The following AKT3 variants were observed in gnomAD, a reference collection of about 807,000 sequenced individuals.
AKT3 encodes the protein RAC-gamma serine/threonine-protein kinase.
A neutral mutation model predicts 65.3 loss-of-function variants in AKT3; 15 were observed. That is an observed-to-expected ratio of 0.23 (90% CI 0.15 to 0.35). The LOEUF (loss-of-function observed/expected upper bound fraction) is 0.35. Ranked by LOEUF, AKT3 falls within the 10% of genes least tolerant of loss-of-function variation. AKT3 has a pLI of 1.00. For synonymous variants in AKT3, 206 were observed against 183.8 expected (o/e 1.12, Z -0.98); for missense variants, 243 against 576.5 (o/e 0.42, Z 5.92).
chr1:243,662,221 A>G (rs1682409848), intron 4 of AKT3, among the ~76,000 whole-genome samples: 1 of 152,170 alleles, frequency 6.6e-6, no homozygotes, highest in Non-Finnish European at 1.5e-5. Flanking sequence ...TACCCAAAGG[A>G]CTATAAATCA....
chr1:243,642,488 T>A (rs1011786590), intron 5 of AKT3, among the ~76,000 whole-genome samples: 3 of 152,104 alleles, frequency 2.0e-5, no homozygotes, highest in Non-Finnish European at 4.4e-5. Context: ...TTTTTGTATT[T>A]TTAGTAGAGA....
intron 12 of AKT3, among the ~76,000 whole-genome samples, chr1:243,514,183 A>C (rs1670197923): frequency 6.6e-6 from 1 of 152,156 alleles, no homozygotes; most frequent in Admixed American, 6.5e-5. Flanking sequence ...TGTGGCTGGA[A>C]TCGGCTTCTC....
chr1:243,669,604 A>T (rs1481829011), intron 3 of AKT3, among the ~76,000 whole-genome samples: 1 of 152,208 alleles, frequency 6.6e-6, no homozygotes, highest in African/African-American at 2.4e-5. Flanking sequence ...CACTATCATG[A>T]ATTAAAAGCA....
In AKT3 at chr1:243,502,362, A is replaced by G; in HGVS notation, c.*2887T>C. ...GGGAAATGGAAAACAATACTTGAATAATGCTATGTAATTAGTGTAGAAAGC... is the reference window on the plus strand; with the variant it reads ...GGGAAATGGAAAACAATACTTGAATGATGCTATGTAATTAGTGTAGAAAGC... On this transcript the variant is annotated 3_prime_UTR_variant, in exon 14 of 14. Transcript: ENST00000673466. 4.3e-6 allele frequency: 1 copy of G among 233,106 alleles called. No individual in the cohort carries two copies. The highest frequency in any genetic ancestry group is 5.6e-5 in the Admixed American group (1 of 17,802). 14.4% of individuals were successfully genotyped at this position (233,106 alleles called of 1,614,324 possible).
intron 3 of AKT3, among the ~76,000 whole-genome samples, chr1:243,669,702 C>T (rs910774149): frequency 6.6e-6 from 1 of 152,106 alleles, no homozygotes; most frequent in African/African-American, 2.4e-5. Flanking sequence ...ACTCGAAGTG[C>T]TGTTATAAGA....
chr1:243,826,779 T>G (rs1416687062), intron 2 of AKT3, among the ~76,000 whole-genome samples: 2 of 152,158 alleles, frequency 1.3e-5, no homozygotes, highest in African/African-American at 4.8e-5. Flanking sequence ...TTGGCTAGGT[T>G]TTCTGTTATT....
intron 3 of AKT3, among the ~76,000 whole-genome samples, chr1:243,689,096 T>C (rs1429134315): frequency 6.6e-6 from 1 of 152,204 alleles, no homozygotes; most frequent in African/African-American, 2.4e-5. Flanking sequence ...AGAATTCATT[T>C]TGGCAATTAA....
Position 243,802,270 on chromosome 1 carries a change from G to T in AKT3, c.46+40855C>A, listed in dbSNP as rs542862284. ...TACTGGTAAGGTAGAGTCAAATTCT[G>T]TTACAAAAAGTTCCATATGACCCCT... On this transcript the variant is annotated intron_variant, in intron 2 of 13. Coordinates refer to ENST00000673466, the MANE Select transcript of AKT3 (RefSeq NM_005465.7). Among the ~76,000 whole-genome samples the T allele has an allele frequency of 8.5e-5, 13 of 152,188 alleles. No homozygotes were observed. The East Asian group carries it at 2.5e-3, about 29-fold the overall frequency.
chr1:243,658,297 T>C (rs185210141), intron 4 of AKT3, among the ~76,000 whole-genome samples: 2 of 152,242 alleles, frequency 1.3e-5, no homozygotes, highest in East Asian at 3.9e-4. Context: ...GGCAAAAGAC[T>C]TGAATAGACA....
At chr1:243,795,690 C>T (rs2148350526) in intron 2 of AKT3, among the ~76,000 whole-genome samples, 1 of 151,606 alleles carries the variant, frequency 6.6e-6, no homozygotes, top group Non-Finnish European at 1.5e-5. Flanking sequence ...CCGGGATGGT[C>T]TCGATCTCCT....
In AKT3 at chr1:243,503,154, T is replaced by G. The variant is rs539325565; in HGVS notation, c.*2095A>C. ...AGTAAGAATGAACTACCATTTACTG[T>G]AACTTCCTACTCAATACTAAGGATG... On this transcript the variant is annotated 3_prime_UTR_variant, in exon 14 of 14. Transcript: ENST00000673466. The G allele has an allele frequency of 4.3e-6, 1 of 233,740 alleles. No homozygotes were observed. Among genetic ancestry groups the G allele is most frequent in the African/African-American group, 2.2e-5 (1 of 45,478 alleles). 14.5% of individuals were successfully genotyped at this position (233,740 alleles called of 1,614,324 possible).
intron 1 of AKT3, 146 bp downstream of exon 1, chr1:243,849,894 G>T: frequency 1.8e-6 from 1 of 543,984 alleles, no homozygotes; most frequent in Non-Finnish European, 2.3e-6. Flanking sequence ...CCCCCGGCGC[G>T]GTGACAACCC....
At chr1:243,550,341 T>C (rs932975818) in intron 11 of AKT3, among the ~76,000 whole-genome samples, 1 of 152,202 alleles carries the variant, frequency 6.6e-6, no homozygotes, top group Non-Finnish European at 1.5e-5. Context: ...ATCAACCTCC[T>C]GGTGAACAAA....
chr1:243,567,147 G>A (rs1412098103), intron 9 of AKT3, among the ~76,000 whole-genome samples: 1 of 152,052 alleles, frequency 6.6e-6, no homozygotes, highest in Non-Finnish European at 1.5e-5. Flanking sequence ...TGTGCGTGGT[G>A]GTATGCGCTT....
At chr1:243,833,573 T>C (rs1694685103) in intron 2 of AKT3, among the ~76,000 whole-genome samples, 1 of 152,082 alleles carries the variant, frequency 6.6e-6, no homozygotes, top group South Asian at 2.1e-4. Context: ...AGATGAGATT[T>C]GGGTAGGGAC....
At chr1:243,673,611 ATTTTTT>A (rs11386712) in intron 3 of AKT3, among the ~76,000 whole-genome samples, 1 of 124,164 alleles carries the variant, frequency 8.1e-6, no homozygotes, top group Non-Finnish European at 1.6e-5. Flanking sequence ...TAATTATGAG[ATTTTTT>A]TTTTTTTTTT....
intron 2 of AKT3, among the ~76,000 whole-genome samples, chr1:243,704,957 C>T (rs1685701841): frequency 6.6e-6 from 1 of 152,044 alleles, no homozygotes; most frequent in Admixed American, 6.5e-5. Flanking sequence ...TCAATGTTGC[C>T]ACTGCAGCTG....
chr1:243,593,262 TA>T (rs1252869937), intron 8 of AKT3, among the ~76,000 whole-genome samples: 1 of 152,168 alleles, frequency 6.6e-6, no homozygotes, highest in African/African-American at 2.4e-5. Context: ...ATCATAGATG[TA>T]AAAACTTAAC....
chr1:243,749,922 ATCC>A (rs1318130663), intron 2 of AKT3, among the ~76,000 whole-genome samples: 2 of 152,138 alleles, frequency 1.3e-5, no homozygotes, highest in Non-Finnish European at 2.9e-5. Flanking sequence ...TTGTCCTTGA[ATCC>A]TGAAATAATG....
Sources: allele counts gnomAD v4.1 joint callset (sites outside exome capture counted in the v4.1 genomes callset), GRCh38; gene constraint gnomAD v4.1.1; transcripts MANE v1.5; gene names NCBI Gene and HGNC (gene_info 2026-07-23, HGNC 2026-07-21).